The following LAMA4 variants were observed in gnomAD, a reference collection of about 807,000 sequenced individuals.
The protein encoded by LAMA4 is laminin subunit alpha-4.
A neutral mutation model predicts 207.1 loss-of-function variants in LAMA4; 127 were observed. The ratio of observed to expected loss-of-function variants is 0.61; its 90% CI spans 0.53 to 0.71. The LOEUF (loss-of-function observed/expected upper bound fraction) is 0.71. Ranked by LOEUF, LAMA4 falls within the 30% of genes least tolerant of loss-of-function variation. LAMA4 has a pLI of 0.00. For missense variants in LAMA4, 2,093 were observed against 2,246.5 expected (o/e 0.93, Z 1.38); for synonymous variants, 761 against 816.0 (o/e 0.93, Z 1.15).
At chr6:112,253,598 A>C (rs1743709999) in intron 2 of LAMA4, 1 of 744,890 alleles carries the variant, frequency 1.3e-6, no homozygotes. Context: ...GACAGGGCAC[A>C]CACGTTAAGT....
At chr6:112,149,796 T>G (rs185449471) in intron 17 of LAMA4, among the ~76,000 whole-genome samples, 42 of 152,286 alleles carry the variant, frequency 2.8e-4, no homozygotes, top group African/African-American at 9.6e-4. Context: ...GGCTTCTCCA[T>G]GAAGGACCAC....
intron 2 of LAMA4, among the ~76,000 whole-genome samples, chr6:112,224,599 T>G (rs1254098948): frequency 6.6e-6 from 1 of 152,104 alleles, no homozygotes; most frequent in African/African-American, 2.4e-5. Flanking sequence ...GTAGATCACT[T>G]GAGGTAAGGA....
intron 9 of LAMA4, among the ~76,000 whole-genome samples, chr6:112,180,365 G>C (rs1177664546): frequency 1.3e-5 from 2 of 152,198 alleles, no homozygotes; most frequent in African/African-American, 4.8e-5. Context: ...CAGTGGCAAA[G>C]AGGAACATCT....
At chr6:112,144,474 C>G (rs545293705) in intron 19 of LAMA4, among the ~76,000 whole-genome samples, 11 of 152,270 alleles carry the variant, frequency 7.2e-5, no homozygotes, top group African/African-American at 2.6e-4. Context: ...ACTTCTTTTG[C>G]TATATTAGCT....
At chr6:112,155,100 T>C (rs1176294912) in intron 15 of LAMA4, among the ~76,000 whole-genome samples, 153 bp from the exon 16 acceptor site, 2 of 152,242 alleles carry the variant, frequency 1.3e-5, no homozygotes, top group African/African-American at 2.4e-5. Flanking sequence ...GTCAAATATG[T>C]GACCATGAGG....
intron 4 of LAMA4, among the ~76,000 whole-genome samples, chr6:112,203,207 A>G (rs1315884372): frequency 6.6e-6 from 1 of 152,100 alleles, no homozygotes; most frequent in African/African-American, 2.4e-5. Flanking sequence ...GCCCACTGTA[A>G]CCACTGTGGT....
chr6:112,114,176 CACATTAGAATCTCTAATA>C lies in LAMA4; in HGVS notation c.5208_5225del (p.Ile1737_Val1742del). On this transcript the variant is annotated inframe_deletion and splice_region_variant, in exon 38 of 39. Transcript: ENST00000230538. ...CTTCAGAGTCCACATCCAACTGAAC[CACATTAGAATCTCTAATA>C]ACTGAAATGCAGGGCAAAGACTGGT... is the stretch of plus-strand genomic sequence containing the variant. The C allele has an allele frequency of 6.2e-7, 1 of 1,613,878 alleles. No individual in the cohort carries two copies. Among genetic ancestry groups the C allele is most frequent in the Non-Finnish European group, 8.5e-7 (1 of 1,179,818 alleles).
chr6:112,184,302 C>T (rs1484853808), intron 9 of LAMA4, among the ~76,000 whole-genome samples: 7 of 147,236 alleles, frequency 4.8e-5, no homozygotes, highest in Non-Finnish European at 7.4e-5. Flanking sequence ...GTACTCTGGC[C>T]AGTACTGGTG....
At chr6:112,209,899 C>T (rs782257151) in intron 3 of LAMA4, among the ~76,000 whole-genome samples, 1 of 152,024 alleles carries the variant, frequency 6.6e-6, no homozygotes, top group Non-Finnish European at 1.5e-5. Context: ...TGGTGGGAGG[C>T]GATTGGATCA....
Position 112,186,498 on chromosome 6 carries a change from T to C in LAMA4, c.966+952A>G, listed in dbSNP as rs568155892. Among the ~76,000 whole-genome samples the C allele has an allele frequency of 9.8e-5, 15 of 152,336 alleles. No individual in the cohort carries two copies. The South Asian group carries it at 1.4e-3, about 15-fold the overall frequency. On this transcript the variant is annotated intron_variant, in intron 8 of 38. Coordinates refer to ENST00000230538, the MANE Select transcript of LAMA4 (RefSeq NM_001105206.3). ...CCATGATTTAGTGGGAAAGAAAACT[T>C]GTAAATCTTAGCTATACAAGGACCT...
At chr6:112,132,224 A>G (rs1779077072) in intron 28 of LAMA4, among the ~76,000 whole-genome samples, 1 of 152,196 alleles carries the variant, frequency 6.6e-6, no homozygotes, top group Admixed American at 6.6e-5. Context: ...AGTTTTCAAA[A>G]TATTAAAATA....
chr6:112,233,929 A>C (rs1554365107), intron 2 of LAMA4, among the ~76,000 whole-genome samples: 1 of 152,138 alleles, frequency 6.6e-6, no homozygotes, highest in Non-Finnish European at 1.5e-5. Flanking sequence ...CAGTATACTC[A>C]CATGGACACG....
intron 2 of LAMA4, 154 bp from the exon 3 acceptor site, chr6:112,216,623 CTATT>C (rs1333948046): frequency 1.0e-5 from 7 of 668,130 alleles, no homozygotes; most frequent in African/African-American, 3.6e-5. Flanking sequence ...CTAAAATAAA[CTATT>C]TATACTACCA....
At chr6:112,121,466 T>C (rs189323736) in intron 32 of LAMA4, among the ~76,000 whole-genome samples, 55 of 152,364 alleles carry the variant, frequency 3.6e-4, no homozygotes, top group African/African-American at 1.1e-3. Context: ...GACAGAGCTA[T>C]GTAAGACCTA....
chr6:112,242,939 C>T (rs1786626431), intron 2 of LAMA4, among the ~76,000 whole-genome samples: 1 of 152,210 alleles, frequency 6.6e-6, no homozygotes, highest in Non-Finnish European at 1.5e-5. Flanking sequence ...CCTCTCTGGA[C>T]CCTCTGCCAT....
At chr6:112,186,879 A>C (rs974859612) in intron 8 of LAMA4, 1 of 455,588 alleles carries the variant, frequency 2.2e-6, no homozygotes. Flanking sequence ...GCTGCTTTTA[A>C]CTTGTTTACT....
chr6:112,179,963 C>A, intron 9 of LAMA4: 1 of 531,642 alleles, frequency 1.9e-6, no homozygotes, highest in Non-Finnish European at 3.9e-6. Flanking sequence ...TCCAGAAAAA[C>A]AGTATTTGTG....
At chr6:112,214,248 T>C (rs1784506926) in intron 3 of LAMA4, among the ~76,000 whole-genome samples, 1 of 152,074 alleles carries the variant, frequency 6.6e-6, no homozygotes, top group African/African-American at 2.4e-5. Context: ...TTTCTTTTTT[T>C]CTTTTGTTTG....
chr6:112,186,504 T>C (rs1554346711), intron 8 of LAMA4, among the ~76,000 whole-genome samples: 1 of 152,232 alleles, frequency 6.6e-6, no homozygotes, highest in East Asian at 1.9e-4. Context: ...AACTTGTAAA[T>C]CTTAGCTATA....
Sources: gnomAD v4.1 joint callset for allele counts (sites outside exome capture counted in the v4.1 genomes callset) on GRCh38, gnomAD v4.1.1 for gene constraint, MANE v1.5 for transcripts, NCBI Gene and HGNC (gene_info 2026-07-23, HGNC 2026-07-21) for gene names.